The following WDR53 variants were observed in gnomAD, a reference collection of about 807,000 sequenced individuals.
WDR53 encodes the protein WD repeat domain 53, also known as WD repeat-containing protein 53.
WDR53 carries 19 observed loss-of-function variants against 21.3 expected under a neutral mutation model. The observed-to-expected ratio is 0.89, with a 90% CI of 0.62 to 1.31. The LOEUF is 1.31. WDR53 is among the 50% of genes most tolerant of loss of function. The probability of loss-of-function intolerance (pLI) is 0.00; values close to 1 mark genes in which losing one functional copy is unlikely to be tolerated. For synonymous variants in WDR53, 157 were observed against 163.4 expected, an observed-to-expected ratio of 0.96 and a Z score of 0.30; for missense variants, 374 against 423.2, an observed-to-expected ratio of 0.88 and a Z score of 1.02.
Position 196,561,361 on chromosome 3 carries a change from C to A in WDR53, c.115G>T (p.Asp39Tyr). Residue 39 changes from aspartate (D) to tyrosine (Y), a missense_variant, in exon 3 of 4, where the codon GAT becomes TAT. By Grantham distance (160) the Asp-to-Tyr change is radical. Coordinates refer to ENST00000332629, the MANE Select transcript of WDR53 (RefSeq NM_182627.3). ...EGGDLTAWGEDGTPLGHTRFQ... is the reference protein window; with the variant it reads ...EGGDLTAWGEYGTPLGHTRFQ... ...CGCGTGTGTCCTAATGGAGTTCCATCTTCACCCCAAGCCGTGAGATCTCCG... is the reference window on the plus strand; with the variant it reads ...CGCGTGTGTCCTAATGGAGTTCCATATTCACCCCAAGCCGTGAGATCTCCG... 1 of 1,614,112 alleles carries A rather than the reference C, an allele frequency of 6.2e-7. No homozygotes were observed. Among genetic ancestry groups the A allele is most frequent in the East Asian group, 2.2e-5 (1 of 44,880 alleles).
rs555294555 is a variant in WDR53 at position 196,564,227 on chromosome 3, T to A, written c.-17+2650A>T. Among the ~76,000 whole-genome samples, 49 of 152,220 alleles carry A rather than the reference T, an allele frequency of 3.2e-4. 1 individual carries two copies. The highest frequency in any genetic ancestry group is 5.2e-4 in the Admixed American group (8 of 15,290). ...GAAGACTGTTGCCAAAAGTTCCAGA[T>A]AAACCTAGATTTTAAACGAAAGGCA... is the stretch of plus-strand genomic sequence containing the variant. On this transcript the variant is annotated intron_variant, in intron 2 of 3. Transcript: ENST00000332629.
intron 1 of WDR53, among the ~76,000 whole-genome samples, chr3:196,567,712 C>A (rs1735548814): frequency 6.6e-6 from 1 of 151,208 alleles, no homozygotes; most frequent in Admixed American, 6.6e-5. Flanking sequence ...TTTGGGGCCA[C>A]CTAGGAAATC....
chr3:196,561,604 T>TA, intron 2 of WDR53, 113 bp from the exon 3 acceptor site: 2 of 1,119,498 alleles, frequency 1.8e-6, no homozygotes, highest in South Asian at 2.2e-5. Context: ...AAATACATCT[T>TA]AAAAAAACTC....
chr3:196,563,575 C>CTTTTTTTTTTTTTTTTT (rs11332529), intron 2 of WDR53, among the ~76,000 whole-genome samples: 4 of 143,754 alleles, frequency 2.8e-5, no homozygotes, highest in African/African-American at 7.8e-5. Flanking sequence ...CAACACAAAG[C>CTTTTTTTTTTTTTTTTT]TTTTTTTTTT....
At chr3:196,561,926 A>C (rs1734908484) in intron 2 of WDR53, among the ~76,000 whole-genome samples, 1 of 152,196 alleles carries the variant, frequency 6.6e-6, no homozygotes, top group East Asian at 1.9e-4. Context: ...GACTGGGCAA[A>C]TTACTGAACC....
chr3:196,567,201 G>A lies in WDR53; in HGVS notation c.-341C>T, dbSNP rs946062104. ...GTGAGAGACAGTCACCATCACCAGA[G>A]TCAGCACAGGTCAACTTTTCTCTAC... On this transcript the variant is annotated 5_prime_UTR_variant, in exon 2 of 4. Transcript: ENST00000332629. 1 of 457,174 alleles carries A rather than the reference G, an allele frequency of 2.2e-6. No individual in the cohort carries two copies. Among genetic ancestry groups the A allele is most frequent in the Non-Finnish European group, 4.4e-6 (1 of 227,070 alleles). The allele number at this position is 457,174 out of a possible 1,614,324, so 28.3% of individuals were successfully genotyped here.
chr3:196,567,751 TTGTGTG>T (rs3080583), intron 1 of WDR53, among the ~76,000 whole-genome samples: 4,510 of 143,622 alleles, frequency 0.031, 208 homozygotes, highest in African/African-American at 0.1. Context: ...GCTGAAATTC[TTGTGTG>T]TGTGTGTGTG....
At chr3:196,560,855 G>T in intron 3 of WDR53, 141 bp downstream of exon 3, 1 of 1,041,854 alleles carries the variant, frequency 9.6e-7, no homozygotes, top group Non-Finnish European at 1.4e-6. Flanking sequence ...AGCATTAAAT[G>T]TAGAAATAAG....
rs1560298853 is a variant in WDR53, at chr3:196,554,576, T to TA, written c.711dup (p.Lys238Ter). 3.1e-6 allele frequency: 5 copies of TA among 1,613,980 alleles called. No homozygotes were observed. Among genetic ancestry groups the TA allele is most frequent in the Non-Finnish European group, 4.2e-6 (5 of 1,179,972 alleles). On this transcript the variant is annotated frameshift_variant, in exon 4 of 4. Transcript: ENST00000332629. LOFTEE classifies it high-confidence loss of function. ...TGGGATACCCCTGAAGTGTGGCCCT[T>TA]AAATCCCAGTTCCTGTTCACACTTA...
chr3:196,564,403 T>C (rs1236309123), intron 2 of WDR53, among the ~76,000 whole-genome samples: 1 of 150,924 alleles, frequency 6.6e-6, no homozygotes, highest in Non-Finnish European at 1.5e-5. Context: ...TTCTTTTTTT[T>C]TTTTTTTTGA....
intron 3 of WDR53, among the ~76,000 whole-genome samples, chr3:196,556,345 A>T (rs528949806): frequency 6.6e-6 from 1 of 152,224 alleles, no homozygotes; most frequent in Non-Finnish European, 1.5e-5. Context: ...ACAATGCCCC[A>T]AAACAGTTTC....
At position 196,561,393 on chromosome 3, in the gene WDR53, G is replaced by A. The variant is rs1465826195; in HGVS notation, c.83C>T (p.Ala28Val). The A allele has an allele frequency of 5.6e-6, 9 of 1,613,918 alleles. No homozygotes were observed. The highest frequency in any genetic ancestry group is 7.6e-6 in the Non-Finnish European group (9 of 1,179,994). ...CCAAGCCGTGAGATCTCCGCCCTCT[G>A]CTCCAGAAGCCAGCAGCCCTTCTTT... ...ASKEGLLASG[A>V]EGGDLTAWGE... The change falls in exon 3 of 4, where the codon GCA becomes GTA. Residue 28 changes from alanine (A) to valine (V), a missense_variant. By Grantham distance (64) the Ala-to-Val change is moderately conservative. Transcript: ENST00000332629.
intron 3 of WDR53, among the ~76,000 whole-genome samples, chr3:196,556,656 TAA>T (rs60957596): frequency 2.9e-5 from 4 of 139,634 alleles, no homozygotes; most frequent in African/African-American, 5.4e-5. Flanking sequence ...ACTCCGTCTT[TAA>T]AAAAAAAAAA....
chr3:196,566,208 G>A (rs550824280), intron 2 of WDR53, among the ~76,000 whole-genome samples: 17 of 151,886 alleles, frequency 1.1e-4, no homozygotes, highest in Admixed American at 7.2e-4. Flanking sequence ...TCCCACCTCA[G>A]TCTCCCAAGT....
chr3:196,558,792 T>G, intron 3 of WDR53, among the ~76,000 whole-genome samples: 1 of 152,184 alleles, frequency 6.6e-6, no homozygotes, highest in African/African-American at 2.4e-5. Context: ...TGGAAATAAT[T>G]ATAGAGTTTC....
In WDR53 at chr3:196,556,529, G is replaced by A. The variant is rs553476271; in HGVS notation, c.481-1722C>T. Among the ~76,000 whole-genome samples, 7 of 151,842 alleles carry A rather than the reference G, an allele frequency of 4.6e-5. No individual in the cohort carries two copies. The East Asian group carries it at 5.8e-4, about 13-fold the overall frequency. ...AAATTAGCTAGGCATGGTGGTGGGC[G>A]CCTGTAGTCCCAGCTACTCGGGAGG... On this transcript the variant is annotated intron_variant, in intron 3 of 3. Coordinates refer to ENST00000332629, the MANE Select transcript of WDR53 (RefSeq NM_182627.3).
chr3:196,557,456 G>A (rs1369557854), intron 3 of WDR53, among the ~76,000 whole-genome samples: 1 of 152,148 alleles, frequency 6.6e-6, no homozygotes. Flanking sequence ...TGAGGTGGGA[G>A]GATCACCTGA....
chr3:196,565,715 A>G (rs1325587849), intron 2 of WDR53, among the ~76,000 whole-genome samples: 2 of 152,212 alleles, frequency 1.3e-5, no homozygotes, highest in East Asian at 3.8e-4. Context: ...AACTAAAATG[A>G]TTTGTTATTA....
intron 2 of WDR53, among the ~76,000 whole-genome samples, chr3:196,564,937 AG>A (rs1735236601): frequency 6.6e-6 from 1 of 152,198 alleles, no homozygotes; most frequent in African/African-American, 2.4e-5. Context: ...AAGTTTTAGC[AG>A]GTTTTCTTCC....
Sources: gnomAD v4.1 joint callset for allele counts (sites outside exome capture counted in the v4.1 genomes callset) on GRCh38, gnomAD v4.1.1 for gene constraint, MANE v1.5 for transcripts, NCBI Gene and HGNC (gene_info 2026-07-23, HGNC 2026-07-21) for gene names.